LAMC1: variants seen among roughly 807,000 people sequenced by gnomAD.
LAMC1 encodes the protein laminin subunit gamma 1.
A neutral mutation model predicts 173.6 loss-of-function variants in LAMC1; 38 were observed. That is an observed-to-expected ratio of 0.22 (90% CI 0.17 to 0.29). The LOEUF is 0.29. LAMC1 is among the 10% of genes least tolerant of loss of function. The pLI, the probability that LAMC1 is intolerant of heterozygous loss-of-function variation, is 1.00. For synonymous variants in LAMC1, 746 were observed against 749.1 expected, an observed-to-expected ratio of 1.00 and a Z score of 0.07; for missense variants, 1,824 against 2,051.8, an observed-to-expected ratio of 0.89 and a Z score of 2.14.
chr1:183,103,548 T>A lies in LAMC1; in HGVS notation c.639T>A (p.Ser213=), dbSNP rs1429834214. The change falls in exon 2 of 28, where the codon TCT becomes TCA. Residue 213 remains serine (S), a synonymous_variant. Coordinates refer to ENST00000258341, the MANE Select transcript of LAMC1 (RefSeq NM_002293.4). ...GTACTGATGAATTCAGTGACATTTC[T>A]CCCCTCACTGGGGGCAACGTGGCCT... is the stretch of plus-strand genomic sequence containing the variant. ...ALCTDEFSDI[S]PLTGGNVAFS... is the part of the protein sequence containing the mutation. The A allele has an allele frequency of 6.2e-7, 1 of 1,613,370 alleles. No homozygotes were observed. Among genetic ancestry groups the A allele is most frequent in the South Asian group, 1.1e-5 (1 of 90,960 alleles).
chr1:183,034,158 T>C (rs1653914212), intron 1 of LAMC1, among the ~76,000 whole-genome samples: 1 of 152,224 alleles, frequency 6.6e-6, no homozygotes, highest in Non-Finnish European at 1.5e-5. Context: ...CATTATAGTA[T>C]GGGATGTGTG....
rs1304745518 is a variant in LAMC1, at chr1:183,133,166, C to T, written c.3705-240C>T. Among the ~76,000 whole-genome samples the T allele has an allele frequency of 3.9e-5, 6 of 152,276 alleles. No homozygotes were observed. In the East Asian group the frequency reaches 1.2e-3, roughly 29 times the overall value. ...CCTGAAGTGATCTGCTCACCTCAGC[C>T]TCCCAAAGTGCTGGGATTACAGGCG... On this transcript the variant is annotated intron_variant, in intron 21 of 27. Transcript: ENST00000258341.
intron 1 of LAMC1, among the ~76,000 whole-genome samples, chr1:183,087,566 C>T (rs1407500894): frequency 6.6e-6 from 1 of 152,188 alleles, no homozygotes; most frequent in Non-Finnish European, 1.5e-5. Flanking sequence ...CACTGGGCCT[C>T]AGTCCATCTA....
At chr1:183,031,310 T>C (rs1033306626) in intron 1 of LAMC1, among the ~76,000 whole-genome samples, 4 of 152,198 alleles carry the variant, frequency 2.6e-5, no homozygotes, top group Admixed American at 2.6e-4. Context: ...CTTCTTTTTT[T>C]TCTTTTTTTT....
intron 1 of LAMC1, among the ~76,000 whole-genome samples, chr1:183,092,847 C>T (rs1045006929): frequency 4.6e-5 from 7 of 152,202 alleles, no homozygotes; most frequent in Non-Finnish European, 8.8e-5. Flanking sequence ...AGAAAGTCCT[C>T]ATTGTTCAGT....
At chr1:183,079,606 G>T (rs1422550805) in intron 1 of LAMC1, among the ~76,000 whole-genome samples, 1 of 151,894 alleles carries the variant, frequency 6.6e-6, no homozygotes, top group Admixed American at 6.6e-5. Flanking sequence ...CCTCTAATCT[G>T]GTCTTCTTTG....
intron 1 of LAMC1, among the ~76,000 whole-genome samples, chr1:183,081,532 A>C (rs1233378540): frequency 6.6e-6 from 1 of 151,496 alleles, no homozygotes; most frequent in East Asian, 2.0e-4. Flanking sequence ...TGGGCAACAG[A>C]GCGAGACTCC....
rs1571444805 is a variant in LAMC1, at chr1:183,108,184, A to C, written c.724-92A>C. ...CTAAAGAGGGCGTAAGTTAAATGAT[A>C]ATAAGTTAGTGATTTAGAACATTTT... On this transcript the variant is annotated intron_variant, in intron 2 of 27. Coordinates refer to ENST00000258341, the MANE Select transcript of LAMC1 (RefSeq NM_002293.4). 2.7e-5 allele frequency: 32 copies of C among 1,196,630 alleles called. 2 individuals are homozygous for C. In the Middle Eastern group the frequency reaches 9.6e-4, roughly 36 times the overall value. The allele number at this position is 1,196,630 out of a possible 1,614,324, so 74.1% of individuals were successfully genotyped here.
chr1:183,117,953 G>GAATATTCATT, intron 10 of LAMC1, 81 bp from the exon 11 acceptor site: 1 of 866,736 alleles, frequency 1.2e-6, no homozygotes, highest in South Asian at 1.5e-5. Flanking sequence ...GCATTGTTGG[G>GAATATTCATT]GCATAAATGA....
chr1:183,081,148 A>G (rs1484869191), intron 1 of LAMC1, among the ~76,000 whole-genome samples: 2 of 152,034 alleles, frequency 1.3e-5, no homozygotes, highest in East Asian at 3.9e-4. Context: ...CGGCCTCCCA[A>G]AAGTGCTGGG....
intron 1 of LAMC1, among the ~76,000 whole-genome samples, chr1:183,057,169 C>T (rs1326005281): frequency 6.6e-6 from 1 of 152,222 alleles, no homozygotes; most frequent in African/African-American, 2.4e-5. Context: ...GAAACAGATT[C>T]AGAGAAACAC....
intron 13 of LAMC1, among the ~76,000 whole-genome samples, chr1:183,123,312 A>G (rs1362726585): frequency 6.6e-6 from 1 of 152,152 alleles, no homozygotes; most frequent in Admixed American, 6.5e-5. Flanking sequence ...CTCACCTGGG[A>G]TTGCCTAATT....
intron 1 of LAMC1, among the ~76,000 whole-genome samples, chr1:183,027,682 T>C (rs1018032980): frequency 1.3e-5 from 2 of 152,222 alleles, no homozygotes; most frequent in Non-Finnish European, 2.9e-5. Context: ...AGTGATTAAA[T>C]GAAGCTTTTA....
chr1:183,072,182 A>C (rs541169374), intron 1 of LAMC1, among the ~76,000 whole-genome samples: 2 of 152,320 alleles, frequency 1.3e-5, no homozygotes, highest in East Asian at 1.9e-4. Context: ...GAATTCTTTT[A>C]AGTCTGCTAT....
At chr1:183,126,085 T>C (rs912956586) in intron 15 of LAMC1, 35 bp from the exon 16 acceptor site, 6 of 1,589,722 alleles carry the variant, frequency 3.8e-6, no homozygotes, top group South Asian at 1.2e-5. Flanking sequence ...AAGTCTGTTT[T>C]TCTTGCCTGA....
intron 1 of LAMC1, among the ~76,000 whole-genome samples, chr1:183,102,510 T>C (rs1655861191): frequency 6.6e-6 from 1 of 152,182 alleles, no homozygotes; most frequent in African/African-American, 2.4e-5. Flanking sequence ...TGAATGGTGA[T>C]TTTATATTTT....
chr1:183,137,280 G>T (rs1460261353), intron 25 of LAMC1, among the ~76,000 whole-genome samples: 1 of 152,148 alleles, frequency 6.6e-6, no homozygotes, highest in Non-Finnish European at 1.5e-5. Flanking sequence ...AATGAACCAA[G>T]CTAGCTTTGA....
chr1:183,119,476 C>A (rs1656411240), intron 11 of LAMC1, among the ~76,000 whole-genome samples: 1 of 152,022 alleles, frequency 6.6e-6, no homozygotes, highest in African/African-American at 2.4e-5. Context: ...GGAAATATGA[C>A]AGAAAATATA....
chr1:183,143,802 C>T lies in LAMC1; in HGVS notation c.*1012C>T, dbSNP rs1293524637. 1 of 152,164 alleles carries T rather than the reference C, an allele frequency of 6.6e-6. No homozygotes were observed. The highest frequency in any genetic ancestry group is 1.9e-4 in the East Asian group (1 of 5,196). 9.4% of individuals were successfully genotyped at this position (152,164 alleles called of 1,614,324 possible). On this transcript the variant is annotated 3_prime_UTR_variant, in exon 28 of 28. Coordinates refer to ENST00000258341, the MANE Select transcript of LAMC1 (RefSeq NM_002293.4). ...CAAAGGGATAAAACTTAGATGGCAG[C>T]TTGTACTGTCAGAATCCCGTGTATC...
Sources: allele counts gnomAD v4.1 joint callset (sites outside exome capture counted in the v4.1 genomes callset), GRCh38; gene constraint gnomAD v4.1.1; transcripts MANE v1.5; gene names NCBI Gene and HGNC (gene_info 2026-07-23, HGNC 2026-07-21).